The following CTNND2 variants were observed in gnomAD, a reference collection of about 807,000 sequenced individuals.
CTNND2 encodes the protein catenin delta 2, also known as catenin delta-2.
In CTNND2, 22 loss-of-function variants were observed where a neutral mutation model predicts 144.4. The ratio of observed to expected loss-of-function variants is 0.15; its 90% confidence interval spans 0.11 to 0.22. The LOEUF (loss-of-function observed/expected upper bound fraction) is 0.22. Ranked by LOEUF, CTNND2 falls within the 10% of genes least tolerant of loss-of-function variation. The pLI is 1.00. For synonymous variants in CTNND2, 751 were observed against 695.6 expected (o/e 1.08, Z -1.25); for missense variants, 1,353 against 1,618.8 (o/e 0.84, Z 2.82).
At chr5:11,703,119 G>T (rs1169355856) in intron 2 of CTNND2, among the ~76,000 whole-genome samples, 1 of 152,126 alleles carries the variant, frequency 6.6e-6, no homozygotes, top group Non-Finnish European at 1.5e-5. Flanking sequence ...GAGTCTGCAG[G>T]CTCCATCCAA....
chr5:11,118,801 T>C (rs775988199), intron 12 of CTNND2, among the ~76,000 whole-genome samples: 1 of 152,188 alleles, frequency 6.6e-6, no homozygotes, highest in Non-Finnish European at 1.5e-5. Context: ...TTTGCTGTTG[T>C]AATAAATTCT....
intron 9 of CTNND2, among the ~76,000 whole-genome samples, chr5:11,251,232 G>A (rs936961706): frequency 1.3e-5 from 2 of 152,114 alleles, no homozygotes; most frequent in African/African-American, 4.8e-5. Flanking sequence ...GTTTCACAGG[G>A]TGCCCCCCAG....
chr5:11,383,762 C>T (rs968439298), intron 7 of CTNND2, among the ~76,000 whole-genome samples: 4 of 152,174 alleles, frequency 2.6e-5, no homozygotes, highest in Non-Finnish European at 5.9e-5. Flanking sequence ...CCAAATCCTT[C>T]TGTAAGGGAA....
At chr5:11,120,161 A>G (rs1753942197) in intron 12 of CTNND2, among the ~76,000 whole-genome samples, 1 of 152,258 alleles carries the variant, frequency 6.6e-6, no homozygotes, top group Admixed American at 6.5e-5. Context: ...AGAAAGATTA[A>G]TAACTTAAGG....
rs1741813822 is a variant in CTNND2 at position 11,018,045 on chromosome 5, C to A, written c.3013G>T (p.Val1005Leu). ...KSKGDKHSPK[V>L]VKAASQVLNS... ...AGGACCTGAGATGCAGCCTTGACCA[C>A]TTTTGGAGAGTGTCTGATGAAGAAA... Residue 1005 changes from valine (V) to leucine (L), a missense_variant, in exon 18 of 22, where the codon GTG (valine) becomes TTG (leucine). Val to Leu is a conservative substitution (Grantham distance 32). Around this residue, in one of 4 missense-constraint regions of CTNND2, gnomAD observed 459 missense variants for 674.3 expected, o/e 0.68. Coordinates refer to ENST00000304623, the MANE Select transcript of CTNND2 (RefSeq NM_001332.4). 1.9e-6 allele frequency: 3 copies of A among 1,612,936 alleles called. No homozygotes were observed. Among genetic ancestry groups the A allele is most frequent in the Non-Finnish European group, 1.7e-6 (2 of 1,179,202 alleles).
At chr5:11,850,593 AAAT>A (rs1794966586) in intron 1 of CTNND2, among the ~76,000 whole-genome samples, 1 of 152,208 alleles carries the variant, frequency 6.6e-6, no homozygotes, top group Non-Finnish European at 1.5e-5. Flanking sequence ...ATTTCTTAAA[AAAT>A]AATGGGAGTT....
At chr5:11,607,810 C>T (rs543473685) in intron 2 of CTNND2, among the ~76,000 whole-genome samples, 24 of 152,262 alleles carry the variant, frequency 1.6e-4, no homozygotes, top group African/African-American at 5.8e-4. Flanking sequence ...AGGTATCAAA[C>T]CACATCCAAC....
chr5:11,683,117 G>A (rs958939782), intron 2 of CTNND2, among the ~76,000 whole-genome samples: 6 of 152,000 alleles, frequency 3.9e-5, no homozygotes, highest in Admixed American at 6.5e-5. Context: ...CTAATTTATC[G>A]TGCACTTCTG....
At chr5:11,889,249 T>A (rs986060288) in intron 1 of CTNND2, among the ~76,000 whole-genome samples, 6 of 152,024 alleles carry the variant, frequency 3.9e-5, no homozygotes, top group African/African-American at 1.5e-4. Context: ...GCTCTGAGAT[T>A]ATCTACACCC....
chr5:11,672,257 G>C (rs1783911012), intron 2 of CTNND2, among the ~76,000 whole-genome samples: 1 of 152,180 alleles, frequency 6.6e-6, no homozygotes, highest in South Asian at 2.1e-4. Flanking sequence ...GATACACAAG[G>C]GTCAGGGACC....
chr5:11,868,243 GCT>G (rs1795868105), intron 1 of CTNND2, among the ~76,000 whole-genome samples: 1 of 152,074 alleles, frequency 6.6e-6, no homozygotes, highest in Non-Finnish European at 1.5e-5. Context: ...TCCTGCCTCT[GCT>G]CTGTCAGGAC....
chr5:11,314,291 G>A (rs749428425), intron 9 of CTNND2, among the ~76,000 whole-genome samples: 2 of 152,132 alleles, frequency 1.3e-5, no homozygotes, highest in Admixed American at 6.5e-5. Context: ...TGTGCTCTGT[G>A]TTATATCTGG....
At chr5:11,098,482 TA>T in intron 15 of CTNND2, 92 bp downstream of exon 15, 1 of 1,109,732 alleles carries the variant, frequency 9.0e-7, no homozygotes, top group East Asian at 2.4e-5. Context: ...AAATCTTTAT[TA>T]GAGTTGCATT....
At chr5:11,257,073 G>A (rs1744329110) in intron 9 of CTNND2, among the ~76,000 whole-genome samples, 1 of 152,210 alleles carries the variant, frequency 6.6e-6, no homozygotes, top group Admixed American at 6.5e-5. Flanking sequence ...AAGGTCACAG[G>A]AAATTAATCT....
At chr5:11,635,298 AAG>A (rs1230762138) in intron 2 of CTNND2, among the ~76,000 whole-genome samples, 3 of 152,146 alleles carry the variant, frequency 2.0e-5, no homozygotes, top group African/African-American at 4.8e-5. Context: ...CATCACCCAT[AAG>A]AGAGGGGTAA....
intron 2 of CTNND2, among the ~76,000 whole-genome samples, chr5:11,625,156 G>C (rs1170906119): frequency 2.6e-5 from 4 of 152,106 alleles, no homozygotes; most frequent in African/African-American, 9.6e-5. Context: ...CTATGAATCA[G>C]TGTACCTTTT....
chr5:11,541,748 T>C (rs1313240562), intron 3 of CTNND2, among the ~76,000 whole-genome samples: 1 of 151,886 alleles, frequency 6.6e-6, no homozygotes, highest in East Asian at 1.9e-4. Context: ...TTAATCCAAA[T>C]GCATATCAGA....
In CTNND2 at chr5:11,903,220, C is replaced by T; in HGVS notation, c.37+597G>A. 1 of 985,440 alleles carries T rather than the reference C, an allele frequency of 1.0e-6. No homozygotes were observed. The highest frequency in any genetic ancestry group is 1.2e-6 in the Non-Finnish European group (1 of 829,968). The allele number at this position is 985,440 out of a possible 1,614,324, so 61.0% of individuals were successfully genotyped here. A position where few individuals can be genotyped will look rare whatever the true frequency, so the allele number is the denominator to read the frequency against. On this transcript the variant is annotated intron_variant, in intron 1 of 21. Coordinates refer to ENST00000304623, the MANE Select transcript of CTNND2 (RefSeq NM_001332.4). The surrounding 1 kb of genome is among the most constrained non-coding windows in gnomAD (Gnocchi z 5.4). ...GGAGCCTGGCTGTCTATTGTCAGCA[C>T]GCAGAAGCCCCCGAAACCTGTGAAG...
chr5:11,083,824 AG>A, intron 15 of CTNND2: 1 of 716,438 alleles, frequency 1.4e-6, no homozygotes, highest in Non-Finnish European at 1.8e-6. Flanking sequence ...TCCCCCCACC[AG>A]GCCACCTCCA....
Sources: gnomAD v4.1 joint callset for allele counts (sites outside exome capture counted in the v4.1 genomes callset) on GRCh38, gnomAD v4.1.1 for gene constraint, gnomAD v4.1.1 regional missense constraint, Gnocchi (gnomAD v3.1) non-coding constraint, MANE v1.5 for transcripts, NCBI Gene and HGNC (gene_info 2026-07-23, HGNC 2026-07-21) for gene names.